Variants in HAL observed in about 807,000 individuals in gnomAD.
HAL encodes the protein histidase.
HAL carries 85 observed loss-of-function variants against 81.1 expected under a neutral mutation model. The ratio of observed to expected loss-of-function variants is 1.05; its 90% CI spans 0.88 to 1.25. HAL has a LOEUF of 1.25. Ranked by LOEUF, HAL falls within the 50% of genes most tolerant of loss-of-function variation. HAL has a pLI of 0.00. For missense variants in HAL, 798 were observed against 836.6 expected, an observed-to-expected ratio of 0.95 and a Z score of 0.57; for synonymous variants, 301 against 309.2, an observed-to-expected ratio of 0.97 and a Z score of 0.28.
chr12:95,988,188 C>T lies in HAL; in HGVS notation c.903+5G>A, dbSNP rs755327428. 7.1e-7 allele frequency: 1 copy of T among 1,414,128 alleles called. No homozygotes were observed. Among genetic ancestry groups the T allele is most frequent in the Non-Finnish European group, 1.0e-6 (1 of 997,772 alleles). The allele number at this position is 1,414,128 out of a possible 1,614,324, so 87.6% of individuals were successfully genotyped here. A position where few individuals can be genotyped will look rare whatever the true frequency, so the allele number is the denominator to read the frequency against. ...TATGAACATATTTTTCTTGAGTTTC[C>T]TTACCTCTTTTGGTTTTAAAATAAC... On this transcript the variant is annotated splice_donor_5th_base_variant and intron_variant, in intron 11 of 20. Transcript: ENST00000261208.
At chr12:95,992,916 C>T in intron 8 of HAL, 111 bp from the exon 9 acceptor site, 2 of 955,652 alleles carry the variant, frequency 2.1e-6, no homozygotes, top group Middle Eastern at 2.2e-4. Flanking sequence ...CCTGCTATTA[C>T]CTTCTCCTCT....
chr12:95,987,897 C>CGG lies in HAL; in HGVS notation c.903+294_903+295dup, dbSNP rs60041699. On this transcript the variant is annotated intron_variant, in intron 11 of 20. Transcript: ENST00000261208. ...CTAATTTTTGTCTTTTTTGGCGGGG[C>CGG]GGGGGGGGCGGGTAGAGATGGGTTT... Among the ~76,000 whole-genome samples the CGG allele has an allele frequency of 4.1e-3, 188 of 45,760 alleles. 1 individual carries two copies. The highest frequency in any genetic ancestry group is 0.013 in the Middle Eastern group (1 of 76). 30.0% of individuals were successfully genotyped at this position (45,760 alleles called of 152,430 possible). A position where few individuals can be genotyped will look rare whatever the true frequency, so the allele number is the denominator to read the frequency against.
In HAL at chr12:95,976,688, A is replaced by G. The variant is rs1262181257; in HGVS notation, c.1673T>C (p.Leu558Pro). 1 of 1,610,270 alleles carries G rather than the reference A, an allele frequency of 6.2e-7. No homozygotes were observed. Among genetic ancestry groups the G allele is most frequent in the African/African-American group, 1.3e-5 (1 of 74,858 alleles). ...HVEQVLAIEL[L>P]AACQGIEFLR... is the part of the protein sequence containing the mutation. ...AAACTCTATGCCCTGGCAGGCTGCAAGGAGCTCGATGGCCAGCACTGAAAC... is the reference window on the plus strand; with the variant it reads ...AAACTCTATGCCCTGGCAGGCTGCAGGGAGCTCGATGGCCAGCACTGAAAC... Residue 558 changes from leucine to proline, a missense_variant, in exon 19 of 21, where the codon CTT becomes CCT. Physicochemically the swap from Leu to Pro is moderately conservative, Grantham distance 98 (BLOSUM62 -3). Transcript: ENST00000261208.
chr12:95,994,367 A>G (rs1950007601), intron 4 of HAL, among the ~76,000 whole-genome samples: 1 of 152,140 alleles, frequency 6.6e-6, no homozygotes, highest in Non-Finnish European at 1.5e-5. Context: ...CCCTTTCCCC[A>G]CTACAGAGCT....
intron 15 of HAL, among the ~76,000 whole-genome samples, chr12:95,981,084 C>A (rs1222432474): frequency 2.0e-5 from 3 of 152,180 alleles, no homozygotes; most frequent in African/African-American, 7.2e-5. Flanking sequence ...GCTGAAAAAA[C>A]ATGAACCTTG....
rs1449387256 is a variant in HAL at position 95,980,826 on chromosome 12, C to A, written c.1325G>T (p.Gly442Val). 1 of 1,594,504 alleles carries A rather than the reference C, an allele frequency of 6.3e-7. No homozygotes were observed. The highest frequency in any genetic ancestry group is 8.6e-7 in the Non-Finnish European group (1 of 1,162,386). The change falls in exon 16 of 21, where the codon GGA becomes GTA. Residue 442 changes from glycine (G) to valine (V), a missense_variant. By Grantham distance (109) the Gly-to-Val change is moderately radical. Coordinates refer to ENST00000261208, the MANE Select transcript of HAL (RefSeq NM_002108.4). Reference protein sequence around the residue: ...FANRGETVSGGNFHGEYPAKA... With the variant: ...FANRGETVSGVNFHGEYPAKA... Reference sequence around the variant, plus strand: ...GGCTGGGTATTCACCATGGAAGTTTCCTCCAGAAACTGTCTCTCCCCTATT... The same window carrying A: ...GGCTGGGTATTCACCATGGAAGTTTACTCCAGAAACTGTCTCTCCCCTATT...
chr12:95,977,179 G>A (rs965953759), intron 18 of HAL, among the ~76,000 whole-genome samples: 1 of 152,098 alleles, frequency 6.6e-6, no homozygotes, highest in Non-Finnish European at 1.5e-5. Context: ...TATGAATTGC[G>A]GGGTGGGGAT....
chr12:95,978,122 G>A (rs1207993857), intron 17 of HAL, 44 bp from the exon 18 acceptor site: 2 of 1,563,174 alleles, frequency 1.3e-6, no homozygotes, highest in African/African-American at 1.4e-5. Flanking sequence ...CTCACAGGAT[G>A]AGCTGTCTAA....
chr12:95,980,920 C>A, intron 15 of HAL, 57 bp from the exon 16 acceptor site: 2 of 973,894 alleles, frequency 2.1e-6, no homozygotes, highest in South Asian at 2.6e-5. Context: ...CAAGTACAAC[C>A]CCTTCCTGCC....
intron 10 of HAL, among the ~76,000 whole-genome samples, chr12:95,990,049 C>T (rs1555239988): frequency 6.6e-6 from 1 of 152,210 alleles, no homozygotes; most frequent in Non-Finnish European, 1.5e-5. Context: ...CATACCACTG[C>T]ACCTGTGAGA....
rs773263806 is a variant in HAL at position 95,974,351 on chromosome 12, A to G, written c.1855T>C (p.Tyr619His). ...TGCTCCATTCTGTATTTTTCAATGT[A>G]TGGAGCAGCTACTTCCCAAACCTGA... ...EQKVWEVAAP[Y>H]IEKYRMEHIP... Residue 619 changes from tyrosine (Y) to histidine (H), a missense_variant, in exon 21 of 21, where the codon TAC becomes CAC. Tyr to His is a moderately conservative substitution (Grantham distance 83). Coordinates refer to ENST00000261208, the MANE Select transcript of HAL (RefSeq NM_002108.4). The G allele has an allele frequency of 1.4e-5, 22 of 1,613,616 alleles. No individual in the cohort carries two copies. The highest frequency in any genetic ancestry group is 6.6e-5 in the South Asian group (6 of 91,082).
chr12:95,983,406 A>T (rs892951336), intron 15 of HAL, among the ~76,000 whole-genome samples: 1 of 152,176 alleles, frequency 6.6e-6, no homozygotes, highest in African/African-American at 2.4e-5. Flanking sequence ...CAAAAAAAAA[A>T]ATGCCAAAAA....
At chr12:95,982,509 C>T (rs55644035) in intron 15 of HAL, among the ~76,000 whole-genome samples, 109 of 152,286 alleles carry the variant, frequency 7.2e-4, no homozygotes, top group African/African-American at 2.4e-3. Context: ...AAGACTGGTA[C>T]GTGAGATAAG....
intron 10 of HAL, chr12:95,989,860 C>A (rs1592848240): frequency 5.7e-6 from 1 of 176,942 alleles, no homozygotes; most frequent in Non-Finnish European, 1.2e-5. Context: ...AAGCTCCCAG[C>A]AGTTCATCAG....
In HAL at chr12:95,972,672, A is replaced by G. The variant is rs1333194572; in HGVS notation, c.*1560T>C. 6.6e-6 allele frequency: 1 copy of G among 152,204 alleles called. No homozygotes were observed. Among genetic ancestry groups the G allele is most frequent in the Non-Finnish European group, 1.5e-5 (1 of 68,040 alleles). The allele number at this position is 152,204 out of a possible 1,614,324, so 9.4% of individuals were successfully genotyped here. A position where few individuals can be genotyped will look rare whatever the true frequency, so the allele number is the denominator to read the frequency against. ...AAAGCGACACCATAAGGCAATTGAG[A>G]CTTAGTTTATTCCATGTTTCCCTTG... On this transcript the variant is annotated 3_prime_UTR_variant, in exon 21 of 21. Transcript: ENST00000261208.
At chr12:95,979,957 GTACT>G (rs1233701203) in intron 17 of HAL, among the ~76,000 whole-genome samples, 15 of 152,204 alleles carry the variant, frequency 9.9e-5, no homozygotes, top group Non-Finnish European at 1.5e-4. Flanking sequence ...GAGGCCCTTA[GTACT>G]TACTTAGTGC....
At chr12:95,990,821 A>G (rs930213051) in intron 9 of HAL, among the ~76,000 whole-genome samples, 2 of 152,114 alleles carry the variant, frequency 1.3e-5, no homozygotes, top group African/African-American at 4.8e-5. Flanking sequence ...AGCAAGAAGG[A>G]AAGAAGGGCC....
chr12:95,983,798 C>T, intron 15 of HAL, 113 bp downstream of exon 15: 1 of 722,874 alleles, frequency 1.4e-6, no homozygotes, highest in Non-Finnish European at 2.5e-6. Flanking sequence ...TTCATTTACT[C>T]TGTGAAATGG....
chr12:95,980,570 G>A lies in HAL; in HGVS notation c.1505C>T (p.Thr502Met), dbSNP rs781581441. The A allele has an allele frequency of 8.7e-6, 14 of 1,613,494 alleles. No individual in the cohort carries two copies. The highest frequency in any genetic ancestry group is 1.1e-5 in the Non-Finnish European group (13 of 1,179,944). The change falls in exon 17 of 21, where the codon ACG becomes ATG. Residue 502 changes from threonine (T) to methionine (M), a missense_variant. Transcript: ENST00000261208. ...LNSGFMIAHCTAAALVSENKA... is the reference protein window; with the variant it reads ...LNSGFMIAHCMAAALVSENKA... Reference sequence around the variant, plus strand: ...AGTGTCCTTACCAAGGGCTGCTGCCGTGCAGTGAGCTATCATGAACCCAGA... The same window carrying A: ...AGTGTCCTTACCAAGGGCTGCTGCCATGCAGTGAGCTATCATGAACCCAGA...
Sources: allele counts gnomAD v4.1 joint callset (sites outside exome capture counted in the v4.1 genomes callset), GRCh38; gene constraint gnomAD v4.1.1; transcripts MANE v1.5; gene names NCBI Gene and HGNC (gene_info 2026-07-23, HGNC 2026-07-21).